Variants in GRIA1 observed in about 807,000 individuals in gnomAD.
GRIA1 encodes glutamate receptor 1.
GRIA1 carries 31 observed loss-of-function variants against 99.2 expected under a neutral mutation model. That is an observed-to-expected ratio of 0.31 (90% CI 0.23 to 0.42). The LOEUF (loss-of-function observed/expected upper bound fraction) is 0.42, where lower values mean the gene tolerates loss of function less well. GRIA1 is among the 10% of genes least tolerant of loss of function. The pLI is 1.00. For synonymous variants in GRIA1, 438 were observed against 432.4 expected (o/e 1.01, Z -0.16); for missense variants, 782 against 1,157.5 (o/e 0.68, Z 4.71).
intron 2 of GRIA1, among the ~76,000 whole-genome samples, chr5:153,629,266 T>C (rs899496905): frequency 2.0e-5 from 3 of 152,214 alleles, no homozygotes; most frequent in Non-Finnish European, 4.4e-5. Context: ...ATGCAGCTCG[T>C]GCTTCCACAA....
At chr5:153,622,720 A>T (rs1444995776) in intron 2 of GRIA1, among the ~76,000 whole-genome samples, 1 of 152,206 alleles carries the variant, frequency 6.6e-6, no homozygotes, top group Non-Finnish European at 1.5e-5. Flanking sequence ...AGTGATTTGT[A>T]TGTATTAATG....
chr5:153,524,254 G>A (rs9324749), intron 2 of GRIA1, among the ~76,000 whole-genome samples: 18,964 of 152,194 alleles, frequency 0.12, 1,246 homozygotes, highest in Middle Eastern at 0.14. Flanking sequence ...TTGAACCTTG[G>A]AGGCGGAGGT....
chr5:153,657,956 C>T (rs1382434048), intron 5 of GRIA1, among the ~76,000 whole-genome samples: 1 of 152,078 alleles, frequency 6.6e-6, no homozygotes, highest in Non-Finnish European at 1.5e-5. Flanking sequence ...TGAGGAAAGC[C>T]CTTAACATCC....
intron 11 of GRIA1, among the ~76,000 whole-genome samples, chr5:153,761,580 G>A (rs1312294626): frequency 6.6e-6 from 1 of 152,112 alleles, no homozygotes; most frequent in African/African-American, 2.4e-5. Flanking sequence ...AATATAAATA[G>A]TGCAGCCATC....
At chr5:153,644,144 T>C (rs1272486807) in intron 2 of GRIA1, among the ~76,000 whole-genome samples, 10 of 152,230 alleles carry the variant, frequency 6.6e-5, no homozygotes, top group African/African-American at 2.4e-4. Flanking sequence ...CCCTGGATGA[T>C]GGATTGTGCA....
chr5:153,699,219 A>C (rs114772190), intron 10 of GRIA1, 146 bp downstream of exon 10: 121 of 661,708 alleles, frequency 1.8e-4, no homozygotes, highest in Non-Finnish European at 3.2e-4. Flanking sequence ...AGTCATCCAA[A>C]ATCCAATTTC....
At chr5:153,704,259 G>A (rs926432965) in intron 10 of GRIA1, among the ~76,000 whole-genome samples, 1 of 152,206 alleles carries the variant, frequency 6.6e-6, no homozygotes, top group Non-Finnish European at 1.5e-5. Context: ...TTCACTTCTG[G>A]GCTGTTGTAC....
At chr5:153,704,112 C>T (rs1758721677) in intron 10 of GRIA1, among the ~76,000 whole-genome samples, 1 of 152,224 alleles carries the variant, frequency 6.6e-6, no homozygotes, top group African/African-American at 2.4e-5. Context: ...TTAATTCATC[C>T]TGAAGCCAGG....
chr5:153,612,869 C>A (rs751474595), intron 2 of GRIA1, among the ~76,000 whole-genome samples: 2 of 152,044 alleles, frequency 1.3e-5, no homozygotes, highest in Non-Finnish European at 2.9e-5. Flanking sequence ...CAGAGTTGGA[C>A]CAGTGTGTGC....
intron 8 of GRIA1, among the ~76,000 whole-genome samples, chr5:153,688,954 G>T (rs569228463): frequency 1.3e-5 from 2 of 151,980 alleles, no homozygotes; most frequent in South Asian, 2.1e-4. Flanking sequence ...ACTCCTGACC[G>T]TGTGATCCAT....
intron 2 of GRIA1, among the ~76,000 whole-genome samples, chr5:153,563,859 G>C (rs1203847567): frequency 6.6e-6 from 1 of 152,158 alleles, no homozygotes; most frequent in African/African-American, 2.4e-5. Flanking sequence ...TGGGCAGGGG[G>C]TATGGAGGCA....
intron 11 of GRIA1, among the ~76,000 whole-genome samples, chr5:153,750,207 G>A (rs553391127): frequency 9.2e-5 from 14 of 152,140 alleles, no homozygotes; most frequent in African/African-American, 1.7e-4. Context: ...TAGGAACCTC[G>A]ATGCCCAGTA....
chr5:153,637,049 A>G (rs1029529308), intron 2 of GRIA1, among the ~76,000 whole-genome samples: 5 of 152,262 alleles, frequency 3.3e-5, no homozygotes, highest in Admixed American at 6.5e-5. Context: ...AAGAAATTAA[A>G]GAGTTATTGT....
chr5:153,549,522 T>C (rs1759933819), intron 2 of GRIA1, among the ~76,000 whole-genome samples: 1 of 151,914 alleles, frequency 6.6e-6, no homozygotes. Context: ...CTTGAGAAAG[T>C]TCAGGGTGAA....
intron 2 of GRIA1, among the ~76,000 whole-genome samples, chr5:153,496,346 G>A (rs987697284): frequency 3.9e-5 from 6 of 152,148 alleles, no homozygotes; most frequent in African/African-American, 1.4e-4. Flanking sequence ...TTCCTGTCTT[G>A]TTCGTTCAGT....
intron 7 of GRIA1, among the ~76,000 whole-genome samples, chr5:153,685,692 G>T (rs904909219): frequency 3.9e-5 from 6 of 152,194 alleles, no homozygotes; most frequent in African/African-American, 1.4e-4. Flanking sequence ...TCTTTCAATT[G>T]CCAAGTATTT....
chr5:153,772,634 C>T (rs1763956052), intron 13 of GRIA1, among the ~76,000 whole-genome samples: 1 of 151,992 alleles, frequency 6.6e-6, no homozygotes, highest in African/African-American at 2.4e-5. Flanking sequence ...ATCAAATGGC[C>T]TGGTATTTAT....
intron 11 of GRIA1, among the ~76,000 whole-genome samples, chr5:153,724,611 AG>A (rs1406360725): frequency 2.0e-5 from 3 of 152,262 alleles, no homozygotes; most frequent in Non-Finnish European, 2.9e-5. Flanking sequence ...CAGAAGCCTC[AG>A]GAGCCGATGC....
chr5:153,552,174 T>A (rs1760208209), intron 2 of GRIA1, among the ~76,000 whole-genome samples: 1 of 151,790 alleles, frequency 6.6e-6, no homozygotes, highest in African/African-American at 2.4e-5. Context: ...AGAAGAAAAT[T>A]GACTTTGCGA....
Sources: gnomAD v4.1 joint callset for allele counts (sites outside exome capture counted in the v4.1 genomes callset) on GRCh38, gnomAD v4.1.1 for gene constraint, MANE v1.5 for transcripts, NCBI Gene and HGNC (gene_info 2026-07-23, HGNC 2026-07-21) for gene names.